RBFOX1: variants seen among roughly 807,000 people sequenced by gnomAD.
RBFOX1 encodes the protein RNA binding fox-1 homolog 1, also known as RNA binding protein fox-1 homolog 1.
In RBFOX1, 8 loss-of-function variants were observed where a neutral mutation model predicts 57.7. The observed-to-expected ratio is 0.14, with a 90% CI of 0.08 to 0.25. The LOEUF (loss-of-function observed/expected upper bound fraction) is 0.25, where lower values mean the gene tolerates loss of function less well. RBFOX1 is among the 10% of genes least tolerant of loss of function. The probability of loss-of-function intolerance (pLI) is 1.00; values close to 1 mark genes in which losing one functional copy is unlikely to be tolerated. For missense variants in RBFOX1, 611 were observed against 548.5 expected, an observed-to-expected ratio of 1.11 and a Z score of -1.14; for synonymous variants, 326 against 222.4, an observed-to-expected ratio of 1.47 and a Z score of -4.15.
At chr16:5,484,781 G>C (rs59944838) in intron 2 of RBFOX1, among the ~76,000 whole-genome samples, 1 of 151,242 alleles carries the variant, frequency 6.6e-6, no homozygotes, top group Non-Finnish European at 1.5e-5. Context: ...GCGTGGTGGC[G>C]GGCACCTGTA....
intron 3 of RBFOX1, among the ~76,000 whole-genome samples, chr16:5,768,910 T>C (rs2053882446): frequency 6.6e-6 from 1 of 152,202 alleles, no homozygotes; most frequent in Admixed American, 6.5e-5. Context: ...TAACCCATTG[T>C]ATTTAAGTGG....
At chr16:6,272,982 C>T (rs1399729336) in intron 1 of RBFOX1, among the ~76,000 whole-genome samples, 3 of 152,022 alleles carry the variant, frequency 2.0e-5, no homozygotes, top group African/African-American at 4.8e-5. Flanking sequence ...AAAAGAGGCC[C>T]GTTACATTGG....
At chr16:6,635,093 TATTATA>T (rs201027707) in intron 2 of RBFOX1, among the ~76,000 whole-genome samples, 28,967 of 144,382 alleles carry the variant, frequency 0.2, 3,013 homozygotes, top group Non-Finnish European at 0.23. Context: ...ATATCATATA[TATTATA>T]TATAAAGTAT....
chr16:6,876,724 G>T (rs1159936654), intron 3 of RBFOX1, among the ~76,000 whole-genome samples: 3 of 152,056 alleles, frequency 2.0e-5, no homozygotes, highest in African/African-American at 4.8e-5. Flanking sequence ...GATCAAGAGA[G>T]AACCCATAGT....
rs766989389 is a variant in RBFOX1, at chr16:6,195,251, C to T, written c.-126-121744C>T. ...TTTCATCTTGGCAATGTTTAGAGTC[C>T]GCCATCTTGCCTTGTAAGCCAGTCT... On this transcript the variant is annotated intron_variant, in intron 1 of 15. Transcript: ENST00000550418. Among the ~76,000 whole-genome samples, 19 of 152,258 alleles carry T rather than the reference C, an allele frequency of 1.2e-4. No homozygotes were observed. In the East Asian group the frequency reaches 1.4e-3, roughly 11 times the overall value.
rs1340775029 is a variant in RBFOX1 at position 7,029,259 on chromosome 16, TATATATACGTATACGTATATATATACAC to T, written c.-15-22790_-15-22763del. ...ACGTATACGTATATATATACACACA[TATATATACGTATACGTATATATATACAC>T]ATATATATATACGTATATGTATATA... On this transcript the variant is annotated intron_variant, in intron 3 of 15. Coordinates refer to ENST00000550418, the MANE Select transcript of RBFOX1 (RefSeq NM_018723.4). Among the ~76,000 whole-genome samples the T allele has an allele frequency of 3.8e-5, 5 of 132,556 alleles. 1 individual carries two copies. The highest frequency in any genetic ancestry group is 7.9e-5 in the Non-Finnish European group (5 of 63,600). The allele number at this position is 132,556 out of a possible 152,430, so 87.0% of individuals were successfully genotyped here.
At chr16:7,476,569 G>C (rs953942237) in intron 4 of RBFOX1, among the ~76,000 whole-genome samples, 5 of 152,204 alleles carry the variant, frequency 3.3e-5, no homozygotes, top group African/African-American at 1.2e-4. Flanking sequence ...CTCTTCTGCA[G>C]ACGTAGGGGG....
chr16:7,455,144 A>G (rs527505671), intron 4 of RBFOX1, among the ~76,000 whole-genome samples: 1 of 152,350 alleles, frequency 6.6e-6, no homozygotes, highest in African/African-American at 2.4e-5. Flanking sequence ...TGGAATGAAT[A>G]TTATTAGAAG....
intron 4 of RBFOX1, among the ~76,000 whole-genome samples, chr16:7,197,497 A>G (rs899624088): frequency 5.3e-5 from 8 of 151,968 alleles, no homozygotes; most frequent in Admixed American, 1.3e-4. Flanking sequence ...TATCACAGAT[A>G]GTGTAAAACT....
chr16:7,466,901 T>A (rs1442082900), intron 4 of RBFOX1, among the ~76,000 whole-genome samples: 1 of 152,154 alleles, frequency 6.6e-6, no homozygotes, highest in Non-Finnish European at 1.5e-5. Context: ...ATGGTCTCTA[T>A]GAATTTGAGG....
chr16:7,494,843 T>TTTTC (rs2068078062), intron 4 of RBFOX1, among the ~76,000 whole-genome samples: 1 of 150,894 alleles, frequency 6.6e-6, no homozygotes, highest in African/African-American at 2.4e-5. Flanking sequence ...TTTTTTTTTT[T>TTTTC]TTTTTTGCAC....
At chr16:7,581,929 C>T (rs1180637663) in intron 6 of RBFOX1, among the ~76,000 whole-genome samples, 1 of 151,958 alleles carries the variant, frequency 6.6e-6, no homozygotes, top group Non-Finnish European at 1.5e-5. Flanking sequence ...GTTGTCCAGG[C>T]TGCTCACAAA....
At chr16:7,332,046 C>G (rs1002825623) in intron 4 of RBFOX1, among the ~76,000 whole-genome samples, 1 of 151,982 alleles carries the variant, frequency 6.6e-6, no homozygotes, top group Non-Finnish European at 1.5e-5. Flanking sequence ...CAGATGAAAG[C>G]TCAAAATAAA....
At chr16:6,717,455 T>C (rs1206301065) in intron 3 of RBFOX1, among the ~76,000 whole-genome samples, 1 of 152,176 alleles carries the variant, frequency 6.6e-6, no homozygotes, top group Non-Finnish European at 1.5e-5. Flanking sequence ...ATGACACGTT[T>C]TGGCACTTGT....
intron 3 of RBFOX1, among the ~76,000 whole-genome samples, chr16:5,857,962 A>G (rs1056299635): frequency 1.3e-5 from 2 of 151,986 alleles, no homozygotes; most frequent in African/African-American, 4.8e-5. Context: ...ATAAAAAAAG[A>G]AATGTTATAA....
At chr16:6,816,335 G>T (rs2090060712) in intron 3 of RBFOX1, among the ~76,000 whole-genome samples, 3 of 151,920 alleles carry the variant, frequency 2.0e-5, no homozygotes, top group African/African-American at 7.3e-5. Context: ...AACAATCATT[G>T]TGTCATGTCT....
intron 3 of RBFOX1, among the ~76,000 whole-genome samples, chr16:6,867,838 C>T (rs1023153898): frequency 1.3e-5 from 2 of 152,164 alleles, no homozygotes; most frequent in Non-Finnish European, 2.9e-5. Flanking sequence ...TTATTGACAT[C>T]CCCCTTTCTG....
intron 4 of RBFOX1, among the ~76,000 whole-genome samples, chr16:5,925,033 T>C (rs1019011778): frequency 6.6e-6 from 1 of 152,226 alleles, no homozygotes; most frequent in African/African-American, 2.4e-5. Flanking sequence ...CTGATGCCTT[T>C]TAGCACAGAC....
At chr16:5,420,708 A>G (rs526419) in intron 1 of RBFOX1, among the ~76,000 whole-genome samples, 104,509 of 151,860 alleles carry the variant, frequency 0.69, 36,221 homozygotes, top group East Asian at 0.83. Flanking sequence ...TAATTTTTGT[A>G]TACTTTTGGT....
Sources: allele counts gnomAD v4.1 joint callset (sites outside exome capture counted in the v4.1 genomes callset), GRCh38; gene constraint gnomAD v4.1.1; transcripts MANE v1.5; gene names NCBI Gene and HGNC (gene_info 2026-07-23, HGNC 2026-07-21).